GULP1: variants seen among roughly 807,000 people sequenced by gnomAD.
The protein encoded by GULP1 is GULP PTB domain containing engulfment adaptor 1.
Under a neutral mutation model 40.9 loss-of-function variants are expected in GULP1, and 19 were observed. The observed-to-expected ratio is 0.46, with a 90% CI of 0.32 to 0.68. The LOEUF is 0.68. Ranked by LOEUF, GULP1 falls within the 30% of genes least tolerant of loss-of-function variation. The probability of loss-of-function intolerance (pLI) is 0.03; values close to 1 mark genes in which losing one functional copy is unlikely to be tolerated. For synonymous variants in GULP1, 119 were observed against 117.6 expected, an observed-to-expected ratio of 1.01 and a Z score of -0.08; for missense variants, 312 against 362.2, an observed-to-expected ratio of 0.86 and a Z score of 1.12.
chr2:188,437,033 A>G (rs1289063317), intron 2 of GULP1, among the ~76,000 whole-genome samples: 1 of 152,104 alleles, frequency 6.6e-6, no homozygotes. Context: ...TAGCTTTACC[A>G]TATCAGTTCT....
intron 3 of GULP1, among the ~76,000 whole-genome samples, chr2:188,482,335 T>TA (rs34480513): frequency 6.6e-6 from 1 of 151,924 alleles, no homozygotes; most frequent in Non-Finnish European, 1.5e-5. Flanking sequence ...TAACAGCATT[T>TA]AAAAAAATCC....
At chr2:188,472,071 G>A (rs924966827) in intron 2 of GULP1, among the ~76,000 whole-genome samples, 13 of 152,048 alleles carry the variant, frequency 8.5e-5, no homozygotes, top group African/African-American at 2.9e-4. Flanking sequence ...TTTTCCTTTA[G>A]CAGTTTAAAT....
chr2:188,335,748 A>G (rs2042172076), intron 1 of GULP1, among the ~76,000 whole-genome samples: 1 of 152,238 alleles, frequency 6.6e-6, no homozygotes, highest in Non-Finnish European at 1.5e-5. Context: ...TATAGTAACA[A>G]GATAATCTTT....
At chr2:188,315,770 G>A (rs2038981107) in intron 1 of GULP1, among the ~76,000 whole-genome samples, 1 of 151,882 alleles carries the variant, frequency 6.6e-6, no homozygotes, top group South Asian at 2.1e-4. Flanking sequence ...GCACAGTAAA[G>A]GATTAACAAT....
At chr2:188,450,299 ATATT>A (rs772368650) in intron 2 of GULP1, among the ~76,000 whole-genome samples, 1 of 152,180 alleles carries the variant, frequency 6.6e-6, no homozygotes, top group Admixed American at 6.5e-5. Flanking sequence ...TTTTATCATA[ATATT>A]TATGTATGTA....
chr2:188,365,580 G>T (rs896440032), intron 1 of GULP1, among the ~76,000 whole-genome samples: 9 of 152,146 alleles, frequency 5.9e-5, no homozygotes, highest in Non-Finnish European at 1.3e-4. Context: ...ATTGAACATT[G>T]GTTTGGATCT....
intron 2 of GULP1, among the ~76,000 whole-genome samples, chr2:188,473,111 TCTC>T (rs1012163328): frequency 3.3e-5 from 5 of 152,084 alleles, no homozygotes; most frequent in Non-Finnish European, 5.9e-5. Flanking sequence ...GTTGACCTCT[TCTC>T]TTCTTCTTTT....
intron 2 of GULP1, among the ~76,000 whole-genome samples, chr2:188,385,277 G>A (rs1448584356): frequency 6.6e-6 from 1 of 152,142 alleles, no homozygotes; most frequent in Non-Finnish European, 1.5e-5. Flanking sequence ...AATACCATGT[G>A]GAAGCTGCCA....
chr2:188,458,131 A>C (rs1272700262), intron 2 of GULP1, among the ~76,000 whole-genome samples: 1 of 152,184 alleles, frequency 6.6e-6, no homozygotes, highest in Non-Finnish European at 1.5e-5. Context: ...TAAGTATTTT[A>C]GTATGTTTCC....
intron 1 of GULP1, among the ~76,000 whole-genome samples, chr2:188,371,857 G>A (rs2047643300): frequency 2.6e-5 from 4 of 152,020 alleles, no homozygotes; most frequent in Non-Finnish European, 4.4e-5. Context: ...GCAGGTGTTT[G>A]GTAAATGTGT....
intron 2 of GULP1, among the ~76,000 whole-genome samples, chr2:188,473,218 G>T (rs10185750): frequency 6.6e-6 from 1 of 152,026 alleles, no homozygotes; most frequent in African/African-American, 2.4e-5. Flanking sequence ...GACATACTGT[G>T]TTGGGTCAGA....
intron 11 of GULP1, chr2:188,591,587 A>G (rs1448001808): frequency 6.6e-6 from 1 of 151,932 alleles, no homozygotes; most frequent in Non-Finnish European, 1.5e-5. Context: ...ATAGCATTTT[A>G]TATAGTCATA....
At chr2:188,494,470 G>A (rs1458186245) in intron 4 of GULP1, among the ~76,000 whole-genome samples, 18 of 151,806 alleles carry the variant, frequency 1.2e-4, no homozygotes, top group Non-Finnish European at 1.5e-5. Context: ...TTGTCAAAAT[G>A]CTATAACAAT....
intron 3 of GULP1, among the ~76,000 whole-genome samples, chr2:188,482,273 A>G (rs2061499922): frequency 6.6e-6 from 1 of 151,978 alleles, no homozygotes; most frequent in African/African-American, 2.4e-5. Flanking sequence ...CTATGTCTTC[A>G]CATTAACCCA....
chr2:188,539,608 G>A (rs914087023), intron 6 of GULP1, among the ~76,000 whole-genome samples: 17 of 152,076 alleles, frequency 1.1e-4, no homozygotes, highest in Admixed American at 1.0e-3. Context: ...ATGCCAGTAA[G>A]CATTACAATC....
At chr2:188,520,794 C>T (rs1367929364) in intron 4 of GULP1, among the ~76,000 whole-genome samples, 1 of 152,078 alleles carries the variant, frequency 6.6e-6, no homozygotes, top group Non-Finnish European at 1.5e-5. Context: ...TTCGCTTGCC[C>T]TACCTCTAAA....
At chr2:188,442,017 CAGTGAATAG>C (rs2057982773) in intron 2 of GULP1, among the ~76,000 whole-genome samples, 2 of 152,130 alleles carry the variant, frequency 1.3e-5, no homozygotes, top group Non-Finnish European at 2.9e-5. Context: ...TATCAAATGT[CAGTGAATAG>C]AAATGTACTT....
intron 2 of GULP1, among the ~76,000 whole-genome samples, chr2:188,459,509 A>G (rs907792476): frequency 1.3e-5 from 2 of 152,082 alleles, no homozygotes; most frequent in Admixed American, 1.3e-4. Context: ...CCATATTTTA[A>G]TCAGATTATT....
intron 1 of GULP1, among the ~76,000 whole-genome samples, chr2:188,322,270 T>G (rs2040097115): frequency 6.6e-6 from 1 of 152,110 alleles, no homozygotes; most frequent in Non-Finnish European, 1.5e-5. Context: ...TTATAGAGTA[T>G]AATTCAGTAT....
Sources: allele counts gnomAD v4.1 joint callset (sites outside exome capture counted in the v4.1 genomes callset), GRCh38; gene constraint gnomAD v4.1.1; transcripts MANE v1.5; gene names NCBI Gene and HGNC (gene_info 2026-07-23, HGNC 2026-07-21).